GMEB2: variants seen among roughly 807,000 people sequenced by gnomAD.
GMEB2 encodes the protein glucocorticoid modulatory element binding protein 2.
GMEB2 carries 7 observed loss-of-function variants against 45.7 expected under a neutral mutation model. That is an observed-to-expected ratio of 0.15 (90% CI 0.09 to 0.29). The LOEUF (loss-of-function observed/expected upper bound fraction) is 0.29, where lower values mean the gene tolerates loss of function less well. GMEB2 is among the 10% of genes least tolerant of loss of function. GMEB2 has a pLI of 1.00. For synonymous variants in GMEB2, 322 were observed against 323.6 expected (o/e 1.00, Z 0.05); for missense variants, 582 against 739.2 (o/e 0.79, Z 2.47).
intron 1 of GMEB2, among the ~76,000 whole-genome samples, chr20:63,623,364 T>C (rs1601037551): frequency 6.6e-6 from 1 of 152,186 alleles, no homozygotes; most frequent in Non-Finnish European, 1.5e-5. Flanking sequence ...AGATGCTTTT[T>C]AGCCAGGAAA....
chr20:63,619,263 T>TGG lies in GMEB2; in HGVS notation c.131+3_131+4insCC. The TGG allele has an allele frequency of 6.2e-7, 1 of 1,608,456 alleles. No individual in the cohort carries two copies. The highest frequency in any genetic ancestry group is 8.5e-7 in the Non-Finnish European group (1 of 1,178,472). On this transcript the variant is annotated splice_donor_region_variant and intron_variant, in intron 2 of 9. Coordinates refer to ENST00000370077, the MANE Select transcript of GMEB2 (RefSeq NM_012384.5). This position sits in a 1 kb window ranked among gnomAD's most constrained non-coding sequence, Gnocchi z 4.6. ...GCCCCAATGGCACCGAGGCCCGAGC[T>TGG]TACCCGTGAGGGGCCAAGTTGGTCG...
chr20:63,606,508 T>G (rs2089520559), intron 2 of GMEB2, among the ~76,000 whole-genome samples: 1 of 152,048 alleles, frequency 6.6e-6, no homozygotes, highest in African/African-American at 2.4e-5. Context: ...CCACCATGCC[T>G]GGCTAATTTT....
intron 1 of GMEB2, among the ~76,000 whole-genome samples, chr20:63,625,179 CTTCT>C (rs1431784087): frequency 1.3e-5 from 2 of 151,848 alleles, no homozygotes; most frequent in Non-Finnish European, 2.9e-5. Context: ...TCCACAGCTC[CTTCT>C]TTGTTTTTTT....
rs1015008087 is a variant in GMEB2 at position 63,619,311 on chromosome 20, C to G, written c.87G>C (p.Glu29Asp). 8 of 1,612,900 alleles carry G rather than the reference C, an allele frequency of 5.0e-6. No homozygotes were observed. The highest frequency in any genetic ancestry group is 1.7e-6 in the Non-Finnish European group (2 of 1,179,934). ...TCGTCACCAACACGGTCTTCACCCC[C>G]TCCACACCACTGCCGTCCACTGCAG... ...PDTAVDGSGV[E>D]GVKTVLVTTN... is the part of the protein sequence containing the mutation. Residue 29 changes from glutamate to aspartate, a missense_variant, in exon 2 of 10, where the codon GAG (glutamate) becomes GAC (aspartate). Physicochemically the swap from Glu to Asp is conservative, Grantham distance 45. Transcript: ENST00000370077. This position sits in a 1 kb window ranked among gnomAD's most constrained non-coding sequence, Gnocchi z 4.6.
intron 4 of GMEB2, among the ~76,000 whole-genome samples, chr20:63,601,536 T>C (rs1235481467): frequency 8.6e-6 from 1 of 115,784 alleles, no homozygotes; most frequent in East Asian, 2.0e-4. Flanking sequence ...TGCTCTCTTT[T>C]CTTTTTTTTT....
At chr20:63,606,975 C>T (rs1398899725) in intron 2 of GMEB2, among the ~76,000 whole-genome samples, 4 of 152,178 alleles carry the variant, frequency 2.6e-5, no homozygotes, top group Non-Finnish European at 4.4e-5. Flanking sequence ...CCAATGGAGT[C>T]GTTGGTGAGA....
At chr20:63,596,375 T>C (rs1293586671) in intron 5 of GMEB2, among the ~76,000 whole-genome samples, 1 of 152,224 alleles carries the variant, frequency 6.6e-6, no homozygotes, top group Non-Finnish European at 1.5e-5. Context: ...GTCTCAGTCC[T>C]GTGTGTCTCA....
chr20:63,598,347 C>CACACACAG (rs2083215586), intron 4 of GMEB2, among the ~76,000 whole-genome samples: 1 of 147,212 alleles, frequency 6.8e-6, no homozygotes, highest in Non-Finnish European at 1.5e-5. Context: ...CACTCTGACA[C>CACACACAG]ACACACACAC....
intron 1 of GMEB2, among the ~76,000 whole-genome samples, chr20:63,624,522 G>T (rs966607910): frequency 4.6e-5 from 7 of 152,254 alleles, no homozygotes; most frequent in Non-Finnish European, 8.8e-5. Flanking sequence ...TCTCACTGAG[G>T]AGACGCTGCT....
rs1230179286 is a variant in GMEB2, at chr20:63,592,220, C to T, written c.830-76G>A. On this transcript the variant is annotated intron_variant, in intron 8 of 9. Transcript: ENST00000370077. This position sits in a 1 kb window ranked among gnomAD's most constrained non-coding sequence, Gnocchi z 8.2. ...GCCACGCGGACGCTCGGTGAGAGCC[C>T]GGGACCTTCCTAGAGAGTCACGTGG... 4.9e-6 allele frequency: 7 copies of T among 1,422,646 alleles called. No individual in the cohort carries two copies. Among genetic ancestry groups the T allele is most frequent in the Non-Finnish European group, 5.8e-6 (6 of 1,036,604 alleles). 88.1% of individuals were successfully genotyped at this position (1,422,646 alleles called of 1,614,324 possible). A position where few individuals can be genotyped will look rare whatever the true frequency, so the allele number is the denominator to read the frequency against.
At chr20:63,621,667 C>CAAAAAAAAAA (rs56222018) in intron 1 of GMEB2, among the ~76,000 whole-genome samples, 2 of 54,608 alleles carry the variant, frequency 3.7e-5, no homozygotes, top group South Asian at 5.2e-4. Context: ...AACTCCATCT[C>CAAAAAAAAAA]AAAAAAAAAA....
intron 5 of GMEB2, among the ~76,000 whole-genome samples, chr20:63,597,100 CTTTTATT>C (rs1368711926): frequency 6.6e-6 from 1 of 150,992 alleles, no homozygotes; most frequent in Non-Finnish European, 1.5e-5. Context: ...TTATACCTTT[CTTTTATT>C]TTTTATTTTC....
intron 6 of GMEB2, among the ~76,000 whole-genome samples, chr20:63,595,064 T>C (rs553570029): frequency 1.3e-5 from 2 of 152,206 alleles, no homozygotes; most frequent in Non-Finnish European, 2.9e-5. Flanking sequence ...AATTTCTCTA[T>C]TCATAAAGCT....
chr20:63,600,444 G>A (rs958015298), intron 4 of GMEB2, among the ~76,000 whole-genome samples: 4 of 151,688 alleles, frequency 2.6e-5, no homozygotes, highest in East Asian at 2.0e-4. Flanking sequence ...CAGGCCGGGC[G>A]CGGTGGCTCA....
chr20:63,621,202 C>T (rs114979407), intron 1 of GMEB2, among the ~76,000 whole-genome samples: 318 of 151,518 alleles, frequency 2.1e-3, no homozygotes, highest in African/African-American at 7.4e-3. Flanking sequence ...TCTCAAAAAA[C>T]GAAAAAGAAA....
In GMEB2 at chr20:63,587,821, C is replaced by T. The variant is rs2083107285; in HGVS notation, c.*2268G>A. ...TGTTCTGTACGTGGTTGAGAAGGTC[C>T]TCCTCTCTGAGTACTGGCTGGCCCC... On this transcript the variant is annotated 3_prime_UTR_variant, in exon 10 of 10. Coordinates refer to ENST00000370077, the MANE Select transcript of GMEB2 (RefSeq NM_012384.5). 6.6e-6 allele frequency: 1 copy of T among 152,402 alleles called. No homozygotes were observed. The highest frequency in any genetic ancestry group is 6.5e-5 in the Admixed American group (1 of 15,294). The allele number at this position is 152,402 out of a possible 1,614,324, so 9.4% of individuals were successfully genotyped here. A position where few individuals can be genotyped will look rare whatever the true frequency, so the allele number is the denominator to read the frequency against.
chr20:63,619,217 G>A lies in GMEB2; in HGVS notation c.131+50C>T, dbSNP rs1458618953. The A allele has an allele frequency of 3.3e-6, 5 of 1,516,144 alleles. No homozygotes were observed. In the African/African-American group the frequency reaches 5.5e-5, roughly 17 times the overall value. 93.9% of individuals were successfully genotyped at this position (1,516,144 alleles called of 1,614,324 possible). ...GTTAATGCCAGCTGTGCCAAGGACA[G>A]CCCAACCCAAGCCCCCATCAGCCCC... On this transcript the variant is annotated intron_variant, in intron 2 of 9. Coordinates refer to ENST00000370077, the MANE Select transcript of GMEB2 (RefSeq NM_012384.5). The surrounding 1 kb of genome is among the most constrained non-coding windows in gnomAD (Gnocchi z 4.6).
Sources: allele counts gnomAD v4.1 joint callset (sites outside exome capture counted in the v4.1 genomes callset), GRCh38; gene constraint gnomAD v4.1.1; non-coding constraint Gnocchi (gnomAD v3.1); transcripts MANE v1.5; gene names NCBI Gene and HGNC (gene_info 2026-07-23, HGNC 2026-07-21).